ADAMTS12: variants seen among roughly 807,000 people sequenced by gnomAD.
ADAMTS12 encodes the protein ADAM metallopeptidase with thrombospondin type 1 motif 12.
A neutral mutation model predicts 167.8 loss-of-function variants in ADAMTS12; 118 were observed. The ratio of observed to expected loss-of-function variants is 0.70; its 90% CI spans 0.61 to 0.82. The LOEUF is 0.82. Among genes scored for constraint, ADAMTS12 ranks in the 40% least tolerant of loss-of-function variants. ADAMTS12 has a pLI of 0.00. For missense variants in ADAMTS12, 1,916 were observed against 1,998.8 expected (o/e 0.96, Z 0.79); for synonymous variants, 704 against 716.9 (o/e 0.98, Z 0.29).
At chr5:33,605,883 A>C (rs940231720) in intron 16 of ADAMTS12, among the ~76,000 whole-genome samples, 1 of 152,176 alleles carries the variant, frequency 6.6e-6, no homozygotes, top group Non-Finnish European at 1.5e-5. Flanking sequence ...AAGTTATACA[A>C]AGTTATATAG....
At position 33,614,350 on chromosome 5, in the gene ADAMTS12, G is replaced by A; in HGVS notation, c.2415C>T (p.Gly805=). 1 of 1,614,100 alleles carries A rather than the reference G, an allele frequency of 6.2e-7. No homozygotes were observed. The highest frequency in any genetic ancestry group is 8.5e-7 in the Non-Finnish European group (1 of 1,179,970). ...IQLLFQVTNP[G]IKYEYTIQKD... ...TCTGGATTGTGTACTCATACTTGATGCCAGGGTTAGTCACCTGGAATAGAA... is the reference window on the plus strand; with the variant it reads ...TCTGGATTGTGTACTCATACTTGATACCAGGGTTAGTCACCTGGAATAGAA... Residue 805 remains glycine (G), a synonymous_variant, in exon 16 of 24, where the codon GGC becomes GGT. Transcript: ENST00000504830.
intron 2 of ADAMTS12, among the ~76,000 whole-genome samples, chr5:33,832,726 T>A (rs1748347890): frequency 6.6e-6 from 1 of 152,184 alleles, no homozygotes; most frequent in Non-Finnish European, 1.5e-5. Flanking sequence ...TTTGAAAGGA[T>A]GGTTACAAAG....
At chr5:33,528,412 C>CA (rs1446055617) in intron 23 of ADAMTS12, among the ~76,000 whole-genome samples, 9 of 152,028 alleles carry the variant, frequency 5.9e-5, no homozygotes, top group African/African-American at 1.9e-4. Flanking sequence ...TTGGTACCCC[C>CA]AAAACTATTG....
intron 2 of ADAMTS12, among the ~76,000 whole-genome samples, chr5:33,756,643 G>A (rs1479653899): frequency 2.0e-5 from 3 of 152,110 alleles, no homozygotes; most frequent in Admixed American, 2.0e-4. Context: ...TGGCCTCCAT[G>A]AAGCCAATGA....
At chr5:33,808,271 G>A (rs1747317719) in intron 2 of ADAMTS12, among the ~76,000 whole-genome samples, 1 of 152,214 alleles carries the variant, frequency 6.6e-6, no homozygotes, top group African/African-American at 2.4e-5. Flanking sequence ...TGCCTTTGGT[G>A]TATGGAGTCT....
rs1743869101 is a variant in ADAMTS12, at chr5:33,527,289, T to C, written c.4684A>G (p.Thr1562Ala). Reference sequence around the variant, plus strand: ...GAGAAGCAGCACTCAGCCCTCACGGTGGGCACAGAACATTTCTTCATGGCT... The same window carrying C: ...GAGAAGCAGCACTCAGCCCTCACGGCGGGCACAGAACATTTCTTCATGGCT... Reference protein sequence around the residue: ...LKAMKKCSVPTVRAECCFSCP... With the variant: ...LKAMKKCSVPAVRAECCFSCP... Residue 1562 changes from threonine to alanine, a missense_variant, in exon 24 of 24, where the codon ACC (threonine) becomes GCC (alanine). Physicochemically the swap from Thr to Ala is moderately conservative, Grantham distance 58 (BLOSUM62 0). Transcript: ENST00000504830. The C allele has an allele frequency of 6.2e-7, 1 of 1,614,052 alleles. No homozygotes were observed.
intron 2 of ADAMTS12, among the ~76,000 whole-genome samples, chr5:33,774,865 ACTATTGAG>A (rs1745862470): frequency 6.6e-6 from 1 of 152,188 alleles, no homozygotes; most frequent in Non-Finnish European, 1.5e-5. Flanking sequence ...CCAAGTTTCC[ACTATTGAG>A]AACACTATAT....
At chr5:33,599,441 C>T (rs1301503655) in intron 16 of ADAMTS12, among the ~76,000 whole-genome samples, 2 of 152,200 alleles carry the variant, frequency 1.3e-5, no homozygotes, top group Non-Finnish European at 2.9e-5. Context: ...GTGCCCCCTT[C>T]TCTTCCCTGC....
chr5:33,720,531 G>C (rs1369812496), intron 3 of ADAMTS12, among the ~76,000 whole-genome samples: 1 of 152,144 alleles, frequency 6.6e-6, no homozygotes, highest in Admixed American at 6.5e-5. Context: ...GCTGGCTCAA[G>C]AAAGAAAGAT....
intron 2 of ADAMTS12, among the ~76,000 whole-genome samples, chr5:33,849,126 AAT>A (rs761824237): frequency 0.1 from 7,372 of 72,646 alleles, 760 homozygotes; most frequent in Admixed American, 0.14. Context: ...ATTGCATAGC[AAT>A]ATATATATAT....
chr5:33,777,872 A>G (rs931898206), intron 2 of ADAMTS12, among the ~76,000 whole-genome samples: 2 of 152,048 alleles, frequency 1.3e-5, no homozygotes, highest in Admixed American at 6.5e-5. Context: ...AGATTTTTTT[A>G]TATAGTAACA....
chr5:33,562,002 G>A (rs575066243), intron 19 of ADAMTS12, among the ~76,000 whole-genome samples: 2 of 151,972 alleles, frequency 1.3e-5, no homozygotes, highest in South Asian at 2.1e-4. Context: ...AACAGGCTTT[G>A]AGAGCTGACC....
At chr5:33,724,020 A>G (rs937657655) in intron 3 of ADAMTS12, among the ~76,000 whole-genome samples, 5 of 152,174 alleles carry the variant, frequency 3.3e-5, no homozygotes, top group African/African-American at 1.2e-4. Context: ...GTTGTCCTGA[A>G]TATCCCAGAA....
intron 2 of ADAMTS12, among the ~76,000 whole-genome samples, chr5:33,763,381 C>T (rs187086655): frequency 6.6e-6 from 1 of 152,208 alleles, no homozygotes; most frequent in East Asian, 1.9e-4. Context: ...GAGCCAGGAG[C>T]CAAGGTGACC....
At chr5:33,580,512 A>C (rs556798147) in intron 18 of ADAMTS12, among the ~76,000 whole-genome samples, 1 of 152,320 alleles carries the variant, frequency 6.6e-6, no homozygotes, top group Admixed American at 6.5e-5. Flanking sequence ...ATTCAAGATG[A>C]GATTTGGGTG....
chr5:33,564,848 A>G (rs2111905627), intron 19 of ADAMTS12, among the ~76,000 whole-genome samples: 1 of 152,340 alleles, frequency 6.6e-6, no homozygotes, highest in African/African-American at 2.4e-5. Flanking sequence ...CTACCATCAG[A>G]TTAGAAACCA....
At chr5:33,861,078 A>G (rs1486765732) in intron 2 of ADAMTS12, among the ~76,000 whole-genome samples, 2 of 152,224 alleles carry the variant, frequency 1.3e-5, no homozygotes, top group African/African-American at 4.8e-5. Flanking sequence ...CAGCAAAAAC[A>G]TACCAAATTG....
At chr5:33,545,699 A>C (rs1303934055) in intron 22 of ADAMTS12, among the ~76,000 whole-genome samples, 4 of 152,174 alleles carry the variant, frequency 2.6e-5, no homozygotes, top group Non-Finnish European at 1.5e-5. Context: ...GGATGAGTTC[A>C]TGTCCTTTGT....
chr5:33,837,052 G>T (rs1483697630), intron 2 of ADAMTS12, among the ~76,000 whole-genome samples: 15 of 152,074 alleles, frequency 9.9e-5, no homozygotes. Context: ...CCCAGCCCTG[G>T]CTTTTAACCA....
Sources: gnomAD v4.1 joint callset for allele counts (sites outside exome capture counted in the v4.1 genomes callset) on GRCh38, gnomAD v4.1.1 for gene constraint, MANE v1.5 for transcripts, NCBI Gene and HGNC (gene_info 2026-07-23, HGNC 2026-07-21) for gene names.